Variants in ZFPM2 observed in about 807,000 individuals in gnomAD.
ZFPM2 encodes zinc finger protein, FOG family member 2, also known as zinc finger protein ZFPM2.
A neutral mutation model predicts 98.6 loss-of-function variants in ZFPM2; 20 were observed. That is an observed-to-expected ratio of 0.20 (90% CI 0.14 to 0.29). The LOEUF (loss-of-function observed/expected upper bound fraction) is 0.29. Among genes scored for constraint, ZFPM2 ranks in the 10% least tolerant of loss-of-function variants. The probability of loss-of-function intolerance (pLI) is 1.00; values close to 1 mark genes in which losing one functional copy is unlikely to be tolerated. For missense variants in ZFPM2, 1,310 were observed against 1,388.6 expected (o/e 0.94, Z 0.90); for synonymous variants, 518 against 502.7 (o/e 1.03, Z -0.41).
chr8:105,753,684 GA>G (rs1412747060), intron 5 of ZFPM2, among the ~76,000 whole-genome samples: 1 of 152,066 alleles, frequency 6.6e-6, no homozygotes, highest in Non-Finnish European at 1.5e-5. Context: ...ATGTTAGTAA[GA>G]AAATAAATTT....
chr8:105,395,143 A>G (rs573014057), intron 1 of ZFPM2, among the ~76,000 whole-genome samples: 1 of 152,288 alleles, frequency 6.6e-6, no homozygotes, highest in Admixed American at 6.5e-5. Flanking sequence ...GAATGTCCCC[A>G]GGGCCCAACC....
At chr8:105,474,327 T>C (rs1812971616) in intron 3 of ZFPM2, among the ~76,000 whole-genome samples, 1 of 152,218 alleles carries the variant, frequency 6.6e-6, no homozygotes. Flanking sequence ...CAGCTACAAC[T>C]ATCTACAATT....
At position 105,620,195 on chromosome 8, in the gene ZFPM2, G is replaced by T. The variant is rs934416636; in HGVS notation, c.421-14051G>T. ...TCTCCACATCCTCTCCAGCACCTGTGGTTTCCTGACTTTTTAATGATCACC... is the reference window on the plus strand; with the variant it reads ...TCTCCACATCCTCTCCAGCACCTGTTGTTTCCTGACTTTTTAATGATCACC... On this transcript the variant is annotated intron_variant, in intron 4 of 7. Transcript: ENST00000407775. 9.9e-5 allele frequency among the ~76,000 whole-genome samples: 15 copies of T among 152,144 alleles called. No homozygotes were observed. The East Asian group carries it at 1.4e-3, about 14-fold the overall frequency.
intron 4 of ZFPM2, among the ~76,000 whole-genome samples, chr8:105,574,568 A>C (rs529901591): frequency 6.6e-6 from 1 of 152,284 alleles, no homozygotes; most frequent in Non-Finnish European, 1.5e-5. Flanking sequence ...TACAGAATGG[A>C]GTGAATAAGG....
At chr8:105,565,442 T>G (rs966974889) in intron 4 of ZFPM2, among the ~76,000 whole-genome samples, 1 of 152,178 alleles carries the variant, frequency 6.6e-6, no homozygotes, top group African/African-American at 2.4e-5. Context: ...GTCAAAGTGC[T>G]TTACATGTTT....
intron 4 of ZFPM2, among the ~76,000 whole-genome samples, chr8:105,604,798 T>TA (rs1816164755): frequency 6.6e-6 from 1 of 152,088 alleles, no homozygotes; most frequent in South Asian, 2.1e-4. Context: ...AAGACTCTGT[T>TA]ATTGTCTCTT....
chr8:105,518,410 C>T (rs1813982912), intron 3 of ZFPM2, among the ~76,000 whole-genome samples: 1 of 152,182 alleles, frequency 6.6e-6, no homozygotes, highest in African/African-American at 2.4e-5. Context: ...AGTTTAATTT[C>T]ACTTGTAGAT....
intron 2 of ZFPM2, among the ~76,000 whole-genome samples, chr8:105,419,751 A>G (rs1811755619): frequency 6.6e-6 from 1 of 152,108 alleles, no homozygotes; most frequent in South Asian, 2.1e-4. Context: ...TTTAATGTTG[A>G]CTTTCAACGG....
chr8:105,478,397 T>A (rs1217542182), intron 3 of ZFPM2, among the ~76,000 whole-genome samples: 1 of 152,228 alleles, frequency 6.6e-6, no homozygotes, highest in Non-Finnish European at 1.5e-5. Flanking sequence ...TCCAACTTTA[T>A]AGGAATGGAA....
intron 5 of ZFPM2, among the ~76,000 whole-genome samples, chr8:105,718,490 T>C (rs1811577743): frequency 6.6e-6 from 1 of 151,992 alleles, no homozygotes; most frequent in African/African-American, 2.4e-5. Flanking sequence ...TTGCAAGATA[T>C]CACTGTTATT....
At chr8:105,785,283 A>G (rs1813379212) in intron 5 of ZFPM2, 1 of 152,146 alleles carries the variant, frequency 6.6e-6, no homozygotes, top group African/African-American at 2.4e-5. Context: ...AGAATTCATT[A>G]TTTCTGTGCA....
At chr8:105,623,242 T>C (rs1354847144) in intron 4 of ZFPM2, among the ~76,000 whole-genome samples, 1 of 152,168 alleles carries the variant, frequency 6.6e-6, no homozygotes, top group African/African-American at 2.4e-5. Flanking sequence ...AAAGATACTA[T>C]AGTTATCACA....
At chr8:105,567,228 TC>T (rs1363042956) in intron 4 of ZFPM2, among the ~76,000 whole-genome samples, 2 of 152,170 alleles carry the variant, frequency 1.3e-5, no homozygotes, top group Non-Finnish European at 2.9e-5. Flanking sequence ...AGCATTCACC[TC>T]TATAGGCAAA....
Position 105,763,967 on chromosome 8 carries a change from C to G in ZFPM2, c.533-24751C>G, listed in dbSNP as rs547369205. 2.6e-5 allele frequency among the ~76,000 whole-genome samples: 4 copies of G among 151,938 alleles called. No individual in the cohort carries two copies. The East Asian group carries it at 7.8e-4, about 30-fold the overall frequency. The stretch of plus-strand genomic sequence containing the variant: ...AGAAGCTTTTATTAATGCAGAAAAT[C>G]TGCTCTTCCCAGAAACTGAATAGTA... On this transcript the variant is annotated intron_variant, in intron 5 of 7. Transcript: ENST00000407775.
intron 3 of ZFPM2, among the ~76,000 whole-genome samples, chr8:105,545,497 A>G (rs1814675177): frequency 6.6e-6 from 1 of 152,180 alleles, no homozygotes. Context: ...AGGAGGTAAT[A>G]TATAAATCTA....
At chr8:105,751,876 T>G (rs189178060) in intron 5 of ZFPM2, among the ~76,000 whole-genome samples, 116 of 152,172 alleles carry the variant, frequency 7.6e-4, no homozygotes, top group Middle Eastern at 3.4e-3. Context: ...TTTATTTAAA[T>G]GGTTTGCCTT....
At chr8:105,446,205 C>T (rs1812366806) in intron 3 of ZFPM2, among the ~76,000 whole-genome samples, 1 of 152,194 alleles carries the variant, frequency 6.6e-6, no homozygotes, top group African/African-American at 2.4e-5. Context: ...CAGGCGTGAG[C>T]TACCGTGCCC....
chr8:105,340,629 CTAAT>C (rs1812411814), intron 1 of ZFPM2, among the ~76,000 whole-genome samples: 1 of 151,830 alleles, frequency 6.6e-6, no homozygotes, highest in Admixed American at 6.6e-5. Context: ...ATGGAGACTT[CTAAT>C]TAATAAATTT....
chr8:105,742,697 G>A (rs1042486092), intron 5 of ZFPM2, among the ~76,000 whole-genome samples: 7 of 152,040 alleles, frequency 4.6e-5, no homozygotes, highest in Non-Finnish European at 1.0e-4. Flanking sequence ...TTCAAGACCA[G>A]CCTGACCAAC....
Sources: gnomAD v4.1 joint callset for allele counts (sites outside exome capture counted in the v4.1 genomes callset) on GRCh38, gnomAD v4.1.1 for gene constraint, MANE v1.5 for transcripts, NCBI Gene and HGNC (gene_info 2026-07-23, HGNC 2026-07-21) for gene names.